Variants in SLC4A5 observed in about 807,000 individuals in gnomAD.
The protein encoded by SLC4A5 is electrogenic sodium bicarbonate cotransporter 4.
SLC4A5 carries 96 observed loss-of-function variants against 120.4 expected under a neutral mutation model. That is an observed-to-expected ratio of 0.80 (90% CI 0.68 to 0.94). The LOEUF (loss-of-function observed/expected upper bound fraction) is 0.94. SLC4A5 is among the 40% of genes least tolerant of loss of function. The pLI, the probability that SLC4A5 is intolerant of heterozygous loss-of-function variation, is 0.00. For synonymous variants in SLC4A5, 550 were observed against 571.1 expected, an observed-to-expected ratio of 0.96 and a Z score of 0.53; for missense variants, 1,259 against 1,459.5, an observed-to-expected ratio of 0.86 and a Z score of 2.24.
intron 7 of SLC4A5, among the ~76,000 whole-genome samples, chr2:74,295,297 G>A (rs558064605): frequency 6.6e-6 from 1 of 152,262 alleles, no homozygotes; most frequent in South Asian, 2.1e-4. Flanking sequence ...TCAGTGGCCA[G>A]AGGATTTTTA....
chr2:74,275,037 ATTCCCTTTGAATGAAAGTCT>A (rs1348725817), intron 8 of SLC4A5, among the ~76,000 whole-genome samples: 2 of 152,152 alleles, frequency 1.3e-5, no homozygotes, highest in African/African-American at 4.8e-5. Context: ...TGGCTGACTG[ATTCCCTTTGAATGAAAGTCT>A]TTCCTTTTGG....
In SLC4A5 at chr2:74,253,013, C is replaced by T. The variant is rs185041249; in HGVS notation, c.1229G>A (p.Arg410Gln). The T allele has an allele frequency of 8.7e-6, 14 of 1,614,154 alleles. No homozygotes were observed. Among genetic ancestry groups the T allele is most frequent in the Admixed American group, 3.3e-5 (2 of 60,016 alleles). The change falls in exon 15 of 31, where the codon CGG becomes CAG. Residue 410 changes from arginine (R) to glutamine (Q), a missense_variant. Physicochemically the swap from Arg to Gln is conservative, Grantham distance 43. Transcript: ENST00000394019. ...GGGCACCTTCTTGGGGGGCTCAATC[C>T]GGATATTTGGGTCCCATTCTCCAGG...
chr2:74,309,530 T>C (rs1672743473), intron 6 of SLC4A5, among the ~76,000 whole-genome samples: 1 of 152,220 alleles, frequency 6.6e-6, no homozygotes, highest in African/African-American at 2.4e-5. Context: ...ATATACACTT[T>C]AGAATCAATA....
At chr2:74,325,901 G>C (rs1009657600) in intron 5 of SLC4A5, among the ~76,000 whole-genome samples, 2 of 150,228 alleles carry the variant, frequency 1.3e-5, no homozygotes, top group Non-Finnish European at 3.0e-5. Context: ...GGAAGGGAAG[G>C]GGAAAGGAAA....
intron 6 of SLC4A5, chr2:74,307,597 G>T: frequency 1.4e-6 from 1 of 732,644 alleles, no homozygotes; most frequent in East Asian, 2.9e-5. Flanking sequence ...GCGAAGATCT[G>T]AGCGCTCATG....
intron 6 of SLC4A5, chr2:74,307,269 G>A (rs1385655843): frequency 5.8e-6 from 3 of 520,270 alleles, no homozygotes; most frequent in Non-Finnish European, 7.2e-6. Context: ...CCAGATGTCT[G>A]CCATGATCTT....
chr2:74,292,766 T>C (rs867779776), intron 7 of SLC4A5, among the ~76,000 whole-genome samples: 1 of 152,182 alleles, frequency 6.6e-6, no homozygotes, highest in Non-Finnish European at 1.5e-5. Flanking sequence ...GGAGCCATTA[T>C]GGCCATCTGG....
intron 14 of SLC4A5, among the ~76,000 whole-genome samples, chr2:74,254,134 C>G (rs1311316532): frequency 6.6e-6 from 1 of 152,198 alleles, no homozygotes; most frequent in Non-Finnish European, 1.5e-5. Context: ...CCCCATCACT[C>G]TGGGGACAGA....
intron 9 of SLC4A5, 30 bp downstream of exon 9, chr2:74,265,074 G>C: frequency 6.3e-7 from 1 of 1,599,758 alleles, no homozygotes; most frequent in Non-Finnish European, 8.5e-7. Context: ...GGGACCACAG[G>C]AGAGATGCAC....
chr2:74,255,919 A>G lies in SLC4A5; in HGVS notation c.881T>C (p.Phe294Ser), dbSNP rs1670951366. The G allele has an allele frequency of 6.2e-7, 1 of 1,613,530 alleles. No homozygotes were observed. Among genetic ancestry groups the G allele is most frequent in the African/African-American group, 1.3e-5 (1 of 74,864 alleles). The change falls in exon 13 of 31, where the codon TTC (phenylalanine) becomes TCC (serine). Residue 294 changes from phenylalanine (F) to serine (S), a missense_variant. By Grantham distance (155) the Phe-to-Ser change is radical. Coordinates refer to ENST00000394019, the Ensembl canonical transcript of SLC4A5. This position sits in a 1 kb window ranked among gnomAD's most constrained non-coding sequence, Gnocchi z 4.0. Reference sequence around the variant, plus strand: ...TGAGTCCTTGGGGATCTTCTTCATGAATTTGTTTTTCCGCTGGACAGGGAG... The same window carrying G: ...TGAGTCCTTGGGGATCTTCTTCATGGATTTGTTTTTCCGCTGGACAGGGAG...
intron 6 of SLC4A5, among the ~76,000 whole-genome samples, chr2:74,308,715 A>G (rs1277897717): frequency 1.3e-5 from 2 of 150,534 alleles, no homozygotes; most frequent in Non-Finnish European, 2.9e-5. Flanking sequence ...GAAGTTTTCA[A>G]TTTTAACAGA....
chr2:74,261,656 C>T (rs1334728472), intron 11 of SLC4A5, among the ~76,000 whole-genome samples: 1 of 152,210 alleles, frequency 6.6e-6, no homozygotes, highest in African/African-American at 2.4e-5. Flanking sequence ...CACCCCGCCC[C>T]CTACCAGCCA....
intron 8 of SLC4A5, among the ~76,000 whole-genome samples, chr2:74,283,431 G>A (rs561001690): frequency 2.6e-5 from 4 of 152,310 alleles, no homozygotes; most frequent in Admixed American, 6.5e-5. Context: ...CACAGGGACC[G>A]GGCCCAGATG....
rs907791555 is a variant in SLC4A5 at position 74,305,937 on chromosome 2, G to A, written c.80-1257C>T. 9.9e-5 allele frequency among the ~76,000 whole-genome samples: 15 copies of A among 152,046 alleles called. 1 individual carries two copies. Among genetic ancestry groups the A allele is most frequent in the Admixed American group, 7.9e-4 (12 of 15,258 alleles). The stretch of plus-strand genomic sequence containing the variant: ...AACAGGGTTTCGCCATGTTAGCCAG[G>A]CTGGTCTCGAACTCCTGACCTTGTG... On this transcript the variant is annotated intron_variant, in intron 6 of 30. Transcript: ENST00000394019.
At chr2:74,272,698 C>A (rs1671514315) in intron 8 of SLC4A5, among the ~76,000 whole-genome samples, 1 of 152,376 alleles carries the variant, frequency 6.6e-6, no homozygotes, top group South Asian at 2.1e-4. Context: ...TCACAGAAAG[C>A]AGCTCTCTGT....
At position 74,239,318 on chromosome 2, in the gene SLC4A5, C is replaced by T; in HGVS notation, c.2319+17G>A. ...TGTCTGACTGCAGGTCCCCTCCTAA[C>T]TGCAGGGTGAGCTTACCTTGGTAGG... is the stretch of plus-strand genomic sequence containing the variant. On this transcript the variant is annotated intron_variant, in intron 21 of 30. Coordinates refer to ENST00000394019, the Ensembl canonical transcript of SLC4A5. 1 of 1,613,538 alleles carries T rather than the reference C, an allele frequency of 6.2e-7. No homozygotes were observed. Among genetic ancestry groups the T allele is most frequent in the Non-Finnish European group, 8.5e-7 (1 of 1,179,402 alleles).
chr2:74,285,186 G>A (rs1171003536), intron 8 of SLC4A5, among the ~76,000 whole-genome samples: 10 of 152,118 alleles, frequency 6.6e-5, no homozygotes, highest in East Asian at 3.9e-4. Context: ...TTGAGCCTGC[G>A]TGCAGTAAGC....
chr2:74,287,815 T>C (rs1028187032), intron 7 of SLC4A5, among the ~76,000 whole-genome samples: 3 of 152,062 alleles, frequency 2.0e-5, no homozygotes, highest in Admixed American at 1.3e-4. Flanking sequence ...GATCTTCAAC[T>C]TCCCTCTCTC....
intron 25 of SLC4A5, among the ~76,000 whole-genome samples, chr2:74,229,587 T>C (rs1172118390): frequency 6.6e-6 from 1 of 152,160 alleles, no homozygotes; most frequent in Non-Finnish European, 1.5e-5. Flanking sequence ...AATACTTGTA[T>C]GTTAAACAGT....
Sources: allele counts gnomAD v4.1 joint callset (sites outside exome capture counted in the v4.1 genomes callset), GRCh38; gene constraint gnomAD v4.1.1; non-coding constraint Gnocchi (gnomAD v3.1); transcripts MANE v1.5; gene names NCBI Gene and HGNC (gene_info 2026-07-23, HGNC 2026-07-21).